Variants in LRRIQ3 observed in about 807,000 individuals in gnomAD.
The protein encoded by LRRIQ3 is leucine rich repeats and IQ motif containing 3, also known as leucine-rich repeat and IQ domain-containing protein 3.
In LRRIQ3, 75 loss-of-function variants were observed where a neutral mutation model predicts 59.3. The observed-to-expected ratio is 1.26, with a 90% CI of 1.05 to 1.53. The LOEUF is 1.53. Among genes scored for constraint, LRRIQ3 ranks in the 40% most tolerant of loss-of-function variants. The pLI is 0.00. For synonymous variants in LRRIQ3, 250 were observed against 231.3 expected (o/e 1.08, Z -0.73); for missense variants, 831 against 710.0 (o/e 1.17, Z -1.94).
intron 3 of LRRIQ3, among the ~76,000 whole-genome samples, chr1:74,165,411 G>T (rs553050339): frequency 6.6e-5 from 10 of 151,570 alleles, no homozygotes; most frequent in African/African-American, 2.4e-4. Flanking sequence ...CTAGTATATA[G>T]AAATATAATT....
intron 4 of LRRIQ3, among the ~76,000 whole-genome samples, chr1:74,139,057 T>G (rs1049475805): frequency 1.4e-5 from 2 of 140,314 alleles, no homozygotes; most frequent in African/African-American, 2.8e-5. Context: ...TATTTATGTG[T>G]ATATATATAT....
At chr1:74,073,077 T>A (rs891256837) in intron 6 of LRRIQ3, among the ~76,000 whole-genome samples, 6 of 152,174 alleles carry the variant, frequency 3.9e-5, no homozygotes, top group African/African-American at 1.4e-4. Flanking sequence ...ATATTATCAA[T>A]GTTTTTACTC....
At position 74,098,414 on chromosome 1, in the gene LRRIQ3, G is replaced by A. The variant is rs1015911921; in HGVS notation, c.867+10980C>T. On this transcript the variant is annotated intron_variant, in intron 5 of 7. Transcript: ENST00000354431. ...CCCAGATTCATAAAGCAAGTCTTTA[G>A]AGACCTACAGAGAGACTTAGACTCC... 2.0e-5 allele frequency among the ~76,000 whole-genome samples: 3 copies of A among 152,208 alleles called. No individual in the cohort carries two copies. The East Asian group carries it at 5.8e-4, about 29-fold the overall frequency.
chr1:74,182,981 T>G (rs751118434), intron 2 of LRRIQ3, 120 bp from the exon 3 acceptor site: 3 of 555,388 alleles, frequency 5.4e-6, no homozygotes, highest in Non-Finnish European at 9.0e-6. Flanking sequence ...TTCTAATTAA[T>G]AAGCAAACAG....
chr1:74,155,364 A>G (rs1246469456), intron 4 of LRRIQ3, among the ~76,000 whole-genome samples: 1 of 152,222 alleles, frequency 6.6e-6, no homozygotes, highest in Non-Finnish European at 1.5e-5. Context: ...ACAACTAAAT[A>G]AAGGACAATA....
chr1:74,123,440 T>C (rs761479543), intron 4 of LRRIQ3, among the ~76,000 whole-genome samples: 2 of 151,948 alleles, frequency 1.3e-5, no homozygotes, highest in Non-Finnish European at 2.9e-5. Context: ...ACTGTCCCCA[T>C]TCCACCCACC....
chr1:74,176,118 G>A (rs533567690), intron 3 of LRRIQ3, among the ~76,000 whole-genome samples: 39 of 152,008 alleles, frequency 2.6e-4, no homozygotes, highest in African/African-American at 7.0e-4. Flanking sequence ...TATGTAGAGC[G>A]CTTCCTTTAG....
chr1:74,089,244 G>C (rs930128477), intron 5 of LRRIQ3, among the ~76,000 whole-genome samples: 2 of 152,066 alleles, frequency 1.3e-5, no homozygotes, highest in South Asian at 2.1e-4. Context: ...ATGGAAAACT[G>C]TTCGGCAGTT....
chr1:74,112,710 T>C (rs549161390), intron 4 of LRRIQ3, among the ~76,000 whole-genome samples: 8 of 152,116 alleles, frequency 5.3e-5, no homozygotes, highest in Non-Finnish European at 2.9e-5. Context: ...GCTGGCCAAA[T>C]AGCTGACTAT....
At position 74,041,795 on chromosome 1, in the gene LRRIQ3, G is replaced by T; in HGVS notation, c.1136C>A (p.Pro379His). ...AGTATAGATTGGCTGAGGATATGCAGGAAAAAAATGTTGTTTTTTCTCTCT... is the reference window on the plus strand; with the variant it reads ...AGTATAGATTGGCTGAGGATATGCATGAAAAAAATGTTGTTTTTTCTCTCT... ...VLREKKQHFF[P>H]AYPQPIYTTH... The change falls in exon 7 of 8, where the codon CCT (proline) becomes CAT (histidine). Residue 379 changes from proline (P) to histidine (H), a missense_variant. Transcript: ENST00000354431. 3 of 1,613,346 alleles carry T rather than the reference G, an allele frequency of 1.9e-6. No homozygotes were observed. Among genetic ancestry groups the T allele is most frequent in the Non-Finnish European group, 2.5e-6 (3 of 1,179,674 alleles).
chr1:74,087,381 C>CTTTTTTTTTTTTTTTTTTT (rs57068994), intron 5 of LRRIQ3, among the ~76,000 whole-genome samples: 2 of 59,006 alleles, frequency 3.4e-5, no homozygotes, highest in African/African-American at 1.4e-4. Context: ...AAAATTTTAT[C>CTTTTTTTTTTTTTTTTTTT]TTTTTTTTTT....
At chr1:74,195,462 A>T (rs1025120763) in intron 1 of LRRIQ3, among the ~76,000 whole-genome samples, 1 of 152,202 alleles carries the variant, frequency 6.6e-6, no homozygotes, top group Non-Finnish European at 1.5e-5. Context: ...GTAATAAAAA[A>T]ACAGTGTAAC....
intron 4 of LRRIQ3, among the ~76,000 whole-genome samples, chr1:74,141,988 C>CAT (rs1244681328): frequency 6.9e-6 from 1 of 144,258 alleles, no homozygotes. Context: ...TTTATACACA[C>CAT]ACACACACAC....
intron 6 of LRRIQ3, among the ~76,000 whole-genome samples, chr1:74,048,725 T>C (rs1654275961): frequency 6.6e-6 from 1 of 152,164 alleles, no homozygotes; most frequent in Non-Finnish European, 1.5e-5. Flanking sequence ...CCATGAATAT[T>C]AGCAGTCTGT....
At chr1:74,191,743 T>A (rs1055762433) in intron 1 of LRRIQ3, among the ~76,000 whole-genome samples, 1 of 152,038 alleles carries the variant, frequency 6.6e-6, no homozygotes, top group African/African-American at 2.4e-5. Flanking sequence ...AAAAATAAAA[T>A]GTAAAATTTA....
chr1:74,062,703 T>C (rs974585167), intron 6 of LRRIQ3, among the ~76,000 whole-genome samples: 3 of 152,048 alleles, frequency 2.0e-5, no homozygotes, highest in Admixed American at 6.6e-5. Context: ...GTTGGAGCTG[T>C]AGGCCATTAT....
Position 74,170,715 on chromosome 1 carries a change from G to A in LRRIQ3, c.573+11823C>T, listed in dbSNP as rs181122352. Among the ~76,000 whole-genome samples, 789 of 152,146 alleles carry A rather than the reference G, an allele frequency of 5.2e-3. 3 individuals are homozygous for A. Among genetic ancestry groups the A allele is most frequent in the Middle Eastern group, 0.014 (4 of 294 alleles). ...GATTTTTTTCCATTTCTGTAAAAAA[G>A]TACTTAGGTATTTTGATAGGAATTG... On this transcript the variant is annotated intron_variant, in intron 3 of 7. Coordinates refer to ENST00000354431, the MANE Select transcript of LRRIQ3 (RefSeq NM_001105659.2).
Position 74,155,864 on chromosome 1 carries a change from T to A in LRRIQ3, c.576A>T (p.Gly192=). The change falls in exon 4 of 8, where the codon GGA becomes GGT. Residue 192 remains glycine, a splice_region_variant and synonymous_variant. Transcript: ENST00000354431. ...FFNFCPALRK[G]TTYEEEINNI... is the part of the protein sequence containing the mutation. ...TATTAATTTCCTCTTCATAGGTTGT[T>A]CCCTGTATAAAGAAAATATAATTAA... 1 of 1,362,572 alleles carries A rather than the reference T, an allele frequency of 7.3e-7. No individual in the cohort carries two copies. 84.4% of individuals were successfully genotyped at this position (1,362,572 alleles called of 1,614,324 possible).
intron 3 of LRRIQ3, among the ~76,000 whole-genome samples, chr1:74,169,724 A>T (rs1649206603): frequency 6.6e-6 from 1 of 151,902 alleles, no homozygotes; most frequent in Non-Finnish European, 1.5e-5. Flanking sequence ...AATTTCTTAA[A>T]TTTTTTGTAG....
Sources: allele counts gnomAD v4.1 joint callset (sites outside exome capture counted in the v4.1 genomes callset), GRCh38; gene constraint gnomAD v4.1.1; transcripts MANE v1.5; gene names NCBI Gene and HGNC (gene_info 2026-07-23, HGNC 2026-07-21).